Variants in TSC1 observed in about 807,000 individuals in gnomAD.
The protein encoded by TSC1 is hamartin.
A neutral mutation model predicts 124.3 loss-of-function variants in TSC1; 20 were observed. That is an observed-to-expected ratio of 0.16 (90% CI 0.11 to 0.23). The LOEUF (loss-of-function observed/expected upper bound fraction) is 0.23, where lower values mean the gene tolerates loss of function less well. Among genes scored for constraint, TSC1 ranks in the 10% least tolerant of loss-of-function variants. The probability of loss-of-function intolerance (pLI) is 1.00; values close to 1 mark genes in which losing one functional copy is unlikely to be tolerated. For missense variants in TSC1, 1,124 were observed against 1,448.5 expected, an observed-to-expected ratio of 0.78 and a Z score of 3.64; for synonymous variants, 493 against 539.1, an observed-to-expected ratio of 0.91 and a Z score of 1.19.
chr9:132,901,990 C>T lies in TSC1; in HGVS notation c.2392-291G>A. On this transcript the variant is annotated intron_variant, in intron 18 of 22. Transcript: ENST00000298552. The stretch of plus-strand genomic sequence containing the variant: ...CTCACAGGGATGCTGCAGAAAGATT[C>T]TGAATTTTCGAGGGAGACGCAGCGC... The T allele has an allele frequency of 8.3e-6, 3 of 363,178 alleles. No individual in the cohort carries two copies. The South Asian group carries it at 1.3e-4, about 16-fold the overall frequency. The allele number at this position is 363,178 out of a possible 1,614,324, so 22.5% of individuals were successfully genotyped here.
chr9:132,905,438 T>C (rs1845597175), intron 15 of TSC1, 143 bp downstream of exon 15: 1 of 1,156,442 alleles, frequency 8.6e-7, no homozygotes, highest in Admixed American at 1.9e-5. Flanking sequence ...TGCAACAGCC[T>C]AGAAGGACAT....
chr9:132,930,201 G>C (rs1847129259), intron 2 of TSC1, among the ~76,000 whole-genome samples: 1 of 152,108 alleles, frequency 6.6e-6, no homozygotes, highest in Non-Finnish European at 1.5e-5. Flanking sequence ...ATTTTAATAA[G>C]CACTCCAGGT....
In TSC1 at chr9:132,901,522, C is replaced by T. The variant is rs913978352; in HGVS notation, c.2502+67G>A. On this transcript the variant is annotated intron_variant, in intron 19 of 22. Coordinates refer to ENST00000298552, the MANE Select transcript of TSC1 (RefSeq NM_000368.5). ...CACTCAAGTAATCTATTTCTTTAAC[C>T]TGTCTGAAGGAAGAATGTTAGCAAA... 3.6e-6 allele frequency: 5 copies of T among 1,404,654 alleles called. No homozygotes were observed. In the African/African-American group the frequency reaches 5.6e-5, roughly 16 times the overall value. The allele number at this position is 1,404,654 out of a possible 1,614,324, so 87.0% of individuals were successfully genotyped here. A position where few individuals can be genotyped will look rare whatever the true frequency, so the allele number is the denominator to read the frequency against.
At chr9:132,907,210 T>C in intron 13 of TSC1, 91 bp downstream of exon 13, 19 of 1,115,936 alleles carry the variant, frequency 1.7e-5, no homozygotes, top group Non-Finnish European at 2.4e-5. Context: ...TATCCCAGAA[T>C]TTCCTTGTTT....
At chr9:132,901,165 T>A (rs1564475495) in intron 19 of TSC1, among the ~76,000 whole-genome samples, 1 of 152,208 alleles carries the variant, frequency 6.6e-6, no homozygotes. Context: ...TAGGGAAAAC[T>A]CACCGTTCTT....
rs1353128389 is a variant in TSC1, at chr9:132,906,566, A to G, written c.1438+165T>C. The G allele has an allele frequency of 4.8e-6, 3 of 619,824 alleles. No individual in the cohort carries two copies. The East Asian group carries it at 8.7e-5, about 18-fold the overall frequency. 38.4% of individuals were successfully genotyped at this position (619,824 alleles called of 1,614,324 possible). On this transcript the variant is annotated intron_variant, in intron 14 of 22. Coordinates refer to ENST00000298552, the MANE Select transcript of TSC1 (RefSeq NM_000368.5). The surrounding 1 kb of genome is among the most constrained non-coding windows in gnomAD (Gnocchi z 4.1). The stretch of plus-strand genomic sequence containing the variant: ...CCTGTCTCAAAAAAAAAAAAAAAAA[A>G]AGTGGCATCACTTTACCTGGCATAG...
At chr9:132,935,177 T>G in intron 1 of TSC1, 82 bp from the exon 2 acceptor site, 1 of 397,910 alleles carries the variant, frequency 2.5e-6, no homozygotes, top group African/African-American at 2.1e-5. Flanking sequence ...TGGCACAAGC[T>G]TCTTCCTCCT....
At position 132,905,766 on chromosome 9, in the gene TSC1, A is replaced by G. The variant is rs2131821679; in HGVS notation, c.1812T>C (p.Tyr604=). Residue 604 remains tyrosine (Y), a synonymous_variant, in exon 15 of 23, where the codon TAT becomes TAC. Transcript: ENST00000298552. ...GCAATGCCACCTCAAAAAGATGATC[A>G]TACGGGGGAGGCTGCCCGCTTCCAA... is the stretch of plus-strand genomic sequence containing the variant. ...VGFGSGQPPP[Y]DHLFEVALPK... is the part of the protein sequence containing the mutation. 6.2e-7 allele frequency: 1 copy of G among 1,614,232 alleles called. No homozygotes were observed. The highest frequency in any genetic ancestry group is 1.1e-5 in the South Asian group (1 of 91,084).
At chr9:132,940,855 C>T (rs1278626465) in intron 1 of TSC1, 1 of 152,144 alleles carries the variant, frequency 6.6e-6, no homozygotes, top group Non-Finnish European at 1.5e-5. Flanking sequence ...TTGATACAAC[C>T]ATTGTATAAC....
intron 8 of TSC1, 147 bp from the exon 9 acceptor site, chr9:132,912,604 C>T (rs1472044613): frequency 3.6e-6 from 3 of 836,946 alleles, no homozygotes; most frequent in Non-Finnish European, 5.8e-6. Context: ...AATTCTAGTA[C>T]ATAAAGAAAT....
intron 15 of TSC1, among the ~76,000 whole-genome samples, chr9:132,904,743 C>G (rs1052397441): frequency 2.0e-5 from 3 of 152,206 alleles, no homozygotes; most frequent in African/African-American, 7.2e-5. Flanking sequence ...GCACTGCATA[C>G]ACCGTGGCCT....
rs886063620 is a variant in TSC1, at chr9:132,896,129, T to G, written c.*106A>C. The stretch of plus-strand genomic sequence containing the variant: ...AGGACCTCCGTCCCATTTCCACACA[T>G]GAACTTGCACTCAGACCCTGGAAAC... On this transcript the variant is annotated 3_prime_UTR_variant, in exon 23 of 23. Transcript: ENST00000298552. This position sits in a 1 kb window ranked among gnomAD's most constrained non-coding sequence, Gnocchi z 4.5. 8 of 1,541,126 alleles carry G rather than the reference T, an allele frequency of 5.2e-6. No individual in the cohort carries two copies. In the Admixed American group the frequency reaches 1.3e-4, roughly 26 times the overall value.
In TSC1 at chr9:132,902,478, CAG is replaced by C; in HGVS notation, c.2391+125_2391+126del. 8.1e-7 allele frequency: 1 copy of C among 1,233,220 alleles called. No homozygotes were observed. The highest frequency in any genetic ancestry group is 1.2e-6 in the Non-Finnish European group (1 of 847,886). The allele number at this position is 1,233,220 out of a possible 1,614,324, so 76.4% of individuals were successfully genotyped here. On this transcript the variant is annotated intron_variant, in intron 18 of 22. Transcript: ENST00000298552. The surrounding 1 kb of genome is among the most constrained non-coding windows in gnomAD (Gnocchi z 5.2). ...CCATGAAGAATTTCTGCCATGATTT[CAG>C]AGAGAAAAGCATTCAGCTTAGTAAA...
At chr9:132,935,414 G>C (rs1847408315) in intron 1 of TSC1, among the ~76,000 whole-genome samples, 1 of 152,222 alleles carries the variant, frequency 6.6e-6, no homozygotes, top group South Asian at 2.1e-4. Context: ...TCCAAGCTCT[G>C]CAACTTATTA....
chr9:132,922,249 C>T (rs1846609574), intron 6 of TSC1, among the ~76,000 whole-genome samples: 1 of 152,228 alleles, frequency 6.6e-6, no homozygotes, highest in Admixed American at 6.5e-5. Flanking sequence ...CTTCTGCCCT[C>T]CTCTTCAGCC....
At chr9:132,929,764 ACTC>A (rs1203495844) in intron 2 of TSC1, among the ~76,000 whole-genome samples, 3 of 152,260 alleles carry the variant, frequency 2.0e-5, no homozygotes, top group East Asian at 3.9e-4. Context: ...CATTGTATAT[ACTC>A]CTAATATGAC....
At chr9:132,922,863 C>A (rs1846641642) in intron 6 of TSC1, among the ~76,000 whole-genome samples, 1 of 152,036 alleles carries the variant, frequency 6.6e-6, no homozygotes. Flanking sequence ...CTGCTACCTG[C>A]CGATAGGGGA....
chr9:132,926,934 C>T (rs566684043), intron 4 of TSC1: 9 of 423,184 alleles, frequency 2.1e-5, no homozygotes, highest in South Asian at 1.9e-4. Context: ...GCCTCGGCCT[C>T]CTAAGGGGAT....
At chr9:132,917,798 T>G (rs532114005) in intron 8 of TSC1, among the ~76,000 whole-genome samples, 1 of 152,264 alleles carries the variant, frequency 6.6e-6, no homozygotes, top group African/African-American at 2.4e-5. Context: ...ATGTTTATTT[T>G]GGCTATCATT....
Sources: allele counts gnomAD v4.1 joint callset (sites outside exome capture counted in the v4.1 genomes callset), GRCh38; gene constraint gnomAD v4.1.1; non-coding constraint Gnocchi (gnomAD v3.1); transcripts MANE v1.5; gene names NCBI Gene and HGNC (gene_info 2026-07-23, HGNC 2026-07-21).